EXT1: variants seen among roughly 807,000 people sequenced by gnomAD.
The protein encoded by EXT1 is exostosin glycosyltransferase 1.
In EXT1, 20 loss-of-function variants were observed where a neutral mutation model predicts 82.5. The observed-to-expected ratio is 0.24, with a 90% CI of 0.17 to 0.35. The LOEUF (loss-of-function observed/expected upper bound fraction) is 0.35, where lower values mean the gene tolerates loss of function less well. Ranked by LOEUF, EXT1 falls within the 10% of genes least tolerant of loss-of-function variation. The pLI is 1.00. For synonymous variants in EXT1, 348 were observed against 350.8 expected (o/e 0.99, Z 0.09); for missense variants, 757 against 936.5 (o/e 0.81, Z 2.50).
chr8:118,040,332 G>T (rs1170442384), intron 1 of EXT1, among the ~76,000 whole-genome samples: 1 of 152,152 alleles, frequency 6.6e-6, no homozygotes, highest in Non-Finnish European at 1.5e-5. Flanking sequence ...AGCTATTTTG[G>T]TTACCTGGGA....
At chr8:117,809,334 A>T (rs1027790344) in intron 8 of EXT1, among the ~76,000 whole-genome samples, 1 of 149,358 alleles carries the variant, frequency 6.7e-6, no homozygotes, top group African/African-American at 2.4e-5. Flanking sequence ...CTTGTTCCCC[A>T]AAACTATAAC....
At chr8:117,958,930 C>CA (rs1487730556) in intron 1 of EXT1, among the ~76,000 whole-genome samples, 2 of 152,170 alleles carry the variant, frequency 1.3e-5, no homozygotes, top group Non-Finnish European at 2.9e-5. Flanking sequence ...ACTCCACATG[C>CA]AAAATCTCCT....
At chr8:117,911,014 C>T (rs751771674) in intron 1 of EXT1, among the ~76,000 whole-genome samples, 3 of 152,118 alleles carry the variant, frequency 2.0e-5, no homozygotes, top group South Asian at 2.1e-4. Context: ...GTCGAGCTGT[C>T]CAAGGCTGAT....
At chr8:118,017,079 C>A (rs1382328767) in intron 1 of EXT1, among the ~76,000 whole-genome samples, 1 of 152,172 alleles carries the variant, frequency 6.6e-6, no homozygotes, top group Non-Finnish European at 1.5e-5. Flanking sequence ...TTCTCCCAGA[C>A]GGACCGGTAT....
chr8:117,888,101 A>ATAG (rs1240413833), intron 1 of EXT1, among the ~76,000 whole-genome samples: 1 of 150,524 alleles, frequency 6.6e-6, no homozygotes, highest in Non-Finnish European at 1.5e-5. Flanking sequence ...AATAATAATA[A>ATAG]TAATAATTAA....
chr8:117,958,187 T>A (rs1018230294), intron 1 of EXT1, among the ~76,000 whole-genome samples: 2 of 152,144 alleles, frequency 1.3e-5, no homozygotes, highest in African/African-American at 4.8e-5. Flanking sequence ...TAACATAAAG[T>A]AGGGAAGAAT....
intron 1 of EXT1, among the ~76,000 whole-genome samples, chr8:117,968,185 G>T (rs1485071940): frequency 6.6e-6 from 1 of 151,968 alleles, no homozygotes; most frequent in Non-Finnish European, 1.5e-5. Context: ...AGCTGACTGT[G>T]GCCTCCATCT....
chr8:117,964,304 A>G (rs1814761604), intron 1 of EXT1, among the ~76,000 whole-genome samples: 1 of 152,216 alleles, frequency 6.6e-6, no homozygotes, highest in Non-Finnish European at 1.5e-5. Flanking sequence ...GGTCAACTCC[A>G]CATTGGCTTC....
chr8:117,915,673 G>A (rs1563599972), intron 1 of EXT1, among the ~76,000 whole-genome samples: 1 of 152,092 alleles, frequency 6.6e-6, no homozygotes, highest in Non-Finnish European at 1.5e-5. Flanking sequence ...TAACCAACAT[G>A]GCAAAACCCT....
chr8:117,830,271 A>T lies in EXT1; in HGVS notation c.1243T>A (p.Tyr415Asn). 1 of 1,614,072 alleles carries T rather than the reference A, an allele frequency of 6.2e-7. No homozygotes were observed. Among genetic ancestry groups the T allele is most frequent in the Non-Finnish European group, 8.5e-7 (1 of 1,179,988 alleles). ...ACAATCTTCTCAACTGAAGAAAAATAAGCCTCCCACAAGAATTGTGTCTGC... is the reference window on the plus strand; with the variant it reads ...ACAATCTTCTCAACTGAAGAAAAATTAGCCTCCCACAAGAATTGTGTCTGC... ...RQQTQFLWEAYFSSVEKIVLT... is the reference protein window; with the variant it reads ...RQQTQFLWEANFSSVEKIVLT... The change falls in exon 4 of 11, where the codon TAT becomes AAT. Residue 415 changes from tyrosine to asparagine, a missense_variant. By Grantham distance (143) the Tyr-to-Asn change is moderately radical. Around this residue, in one of 4 missense-constraint regions of EXT1, gnomAD observed 207 missense variants for 224.2 expected, o/e 0.92. Transcript: ENST00000378204.
intron 3 of EXT1, among the ~76,000 whole-genome samples, chr8:117,830,668 C>G (rs1474530806): frequency 6.6e-6 from 1 of 152,168 alleles, no homozygotes; most frequent in African/African-American, 2.4e-5. Context: ...TGACCTTGCA[C>G]ATGAACAACC....
chr8:117,814,713 C>T (rs1231508931), intron 7 of EXT1, among the ~76,000 whole-genome samples: 1 of 152,148 alleles, frequency 6.6e-6, no homozygotes, highest in African/African-American at 2.4e-5. Context: ...GAATTCACAC[C>T]TGCCATCAAC....
At chr8:118,076,269 C>T (rs966472879) in intron 1 of EXT1, among the ~76,000 whole-genome samples, 2 of 152,144 alleles carry the variant, frequency 1.3e-5, no homozygotes, top group African/African-American at 4.8e-5. Context: ...CCATTAGATC[C>T]CCATTCCAGT....
intron 1 of EXT1, among the ~76,000 whole-genome samples, chr8:117,919,858 G>C (rs1424423127): frequency 2.0e-5 from 3 of 152,080 alleles, no homozygotes; most frequent in Non-Finnish European, 4.4e-5. Context: ...TATATGAAAT[G>C]AATCAACTAT....
rs192093774 is a variant in EXT1 at position 117,972,181 on chromosome 8, A to C, written c.963-134980T>G. 2.2e-3 allele frequency among the ~76,000 whole-genome samples: 328 copies of C among 151,888 alleles called. 1 individual carries two copies. Among genetic ancestry groups the C allele is most frequent in the African/African-American group, 7.4e-3 (307 of 41,442 alleles). On this transcript the variant is annotated intron_variant, in intron 1 of 10. Coordinates refer to ENST00000378204, the MANE Select transcript of EXT1 (RefSeq NM_000127.3). ...AAAAAAAGAAAGAAAGAAAAAAAAG[A>C]AAAATGAAAAACAGAAAAATGAAAT... is the stretch of plus-strand genomic sequence containing the variant.
At chr8:118,108,875 T>C (rs558119496) in intron 1 of EXT1, among the ~76,000 whole-genome samples, 5 of 152,286 alleles carry the variant, frequency 3.3e-5, no homozygotes, top group East Asian at 1.9e-4. Context: ...CATGAATCAA[T>C]TGCAAAATCT....
intron 3 of EXT1, among the ~76,000 whole-genome samples, chr8:117,830,665 G>A (rs920870682): frequency 2.0e-5 from 3 of 152,166 alleles, no homozygotes; most frequent in African/African-American, 7.2e-5. Context: ...CCTTGACCTT[G>A]CACATGAACA....
At chr8:117,985,384 T>C (rs1815296188) in intron 1 of EXT1, among the ~76,000 whole-genome samples, 4 of 152,240 alleles carry the variant, frequency 2.6e-5, no homozygotes, top group Non-Finnish European at 4.4e-5. Flanking sequence ...TGCCTGTTAA[T>C]GCCTTGTAGT....
At chr8:118,004,265 T>C (rs1344447936) in intron 1 of EXT1, among the ~76,000 whole-genome samples, 3 of 152,364 alleles carry the variant, frequency 2.0e-5, no homozygotes, top group East Asian at 3.9e-4. Flanking sequence ...TCCATGTTCA[T>C]ATGCATGGAG....
Sources: allele counts gnomAD v4.1 joint callset (sites outside exome capture counted in the v4.1 genomes callset), GRCh38; gene constraint gnomAD v4.1.1; regional missense constraint gnomAD v4.1.1; transcripts MANE v1.5; gene names NCBI Gene and HGNC (gene_info 2026-07-23, HGNC 2026-07-21).